FBN2: variants seen among roughly 807,000 people sequenced by gnomAD.
FBN2 encodes fibrillin 2.
A neutral mutation model predicts 355.6 loss-of-function variants in FBN2; 105 were observed. The ratio of observed to expected loss-of-function variants is 0.30; its 90% confidence interval spans 0.25 to 0.35. FBN2 has a LOEUF of 0.35. Among genes scored for constraint, FBN2 ranks in the 10% least tolerant of loss-of-function variants. The pLI, the probability that FBN2 is intolerant of heterozygous loss-of-function variation, is 1.00. For missense variants in FBN2, 3,280 were observed against 3,758.7 expected, an observed-to-expected ratio of 0.87 and a Z score of 3.33; for synonymous variants, 1,350 against 1,301.2, an observed-to-expected ratio of 1.04 and a Z score of -0.81.
intron 53 of FBN2, 63 bp downstream of exon 53, chr5:128,288,375 T>G: frequency 6.4e-7 from 1 of 1,559,874 alleles, no homozygotes; most frequent in Non-Finnish European, 8.8e-7. Context: ...AAATAAATAT[T>G]GAGACATTAA....
intron 4 of FBN2, among the ~76,000 whole-genome samples, chr5:128,519,894 GA>G (rs1289869495): frequency 6.6e-6 from 1 of 151,654 alleles, no homozygotes; most frequent in East Asian, 1.9e-4. Context: ...GCCAAGGGGG[GA>G]AAAGGTAAAG....
intron 5 of FBN2, among the ~76,000 whole-genome samples, chr5:128,517,928 T>C (rs183682842): frequency 6.6e-5 from 10 of 152,372 alleles, no homozygotes; most frequent in Admixed American, 6.5e-4. Context: ...TGAATGATTA[T>C]GTAATATTAA....
intron 6 of FBN2, among the ~76,000 whole-genome samples, chr5:128,454,720 C>G (rs1390954174): frequency 6.6e-6 from 1 of 152,162 alleles, no homozygotes; most frequent in East Asian, 1.9e-4. Context: ...GAACACACAC[C>G]AGCATTTGTT....
chr5:128,456,618 T>C (rs1355703407), intron 6 of FBN2, among the ~76,000 whole-genome samples: 1 of 152,062 alleles, frequency 6.6e-6, no homozygotes, highest in Non-Finnish European at 1.5e-5. Context: ...CTAGTCTCCT[T>C]GAGTGACATC....
At chr5:128,378,945 G>T in intron 11 of FBN2, 55 bp from the exon 12 acceptor site, 2 of 1,603,692 alleles carry the variant, frequency 1.2e-6, no homozygotes, top group Non-Finnish European at 1.7e-6. Context: ...AGAAATGTTT[G>T]TTTAAAGTAC....
At chr5:128,289,776 ATATAC>A (rs1340433956) in intron 51 of FBN2, 101 bp downstream of exon 51, 7 of 702,964 alleles carry the variant, frequency 1.0e-5, no homozygotes, top group Non-Finnish European at 1.8e-5. Context: ...ATTAAATACA[ATATAC>A]TATATGTTAC....
rs1401325502 is a variant in FBN2, at chr5:128,395,260, T to C, written c.1093A>G (p.Met365Val). The C allele has an allele frequency of 7.4e-6, 12 of 1,614,152 alleles. No individual in the cohort carries two copies. Among genetic ancestry groups the C allele is most frequent in the Non-Finnish European group, 1.0e-5 (12 of 1,180,020 alleles). The change falls in exon 9 of 65, where the codon ATG becomes GTG. Residue 365 changes from methionine (M) to valine (V), a missense_variant. Met to Val is a conservative substitution (Grantham distance 21). This residue lies in a region of FBN2 where 343 missense variants were observed against 331.0 expected (regional missense o/e 1.04). Transcript: ENST00000262464. ...CCATTCACCAGGCCCGAGAAACACA[T>C]GCCTGTTCTCTGATCTGTGCATGTA... ...GSRCIDQRTG[M>V]CFSGLVNGRC...
chr5:128,341,028 G>T (rs1267536971), intron 25 of FBN2, among the ~76,000 whole-genome samples: 1 of 152,136 alleles, frequency 6.6e-6, no homozygotes, highest in Non-Finnish European at 1.5e-5. Flanking sequence ...GGACTGGAGA[G>T]GCTGACAATG....
intron 55 of FBN2, among the ~76,000 whole-genome samples, chr5:128,285,423 T>G (rs552029939): frequency 1.3e-5 from 2 of 152,344 alleles, no homozygotes; most frequent in Admixed American, 1.3e-4. Context: ...GCTATCAGCA[T>G]GGTATAATGA....
At chr5:128,437,393 A>G (rs1372193141) in intron 7 of FBN2, among the ~76,000 whole-genome samples, 1 of 152,224 alleles carries the variant, frequency 6.6e-6, no homozygotes, top group African/African-American at 2.4e-5. Context: ...ACACAGCATT[A>G]AAACTCTTTT....
chr5:128,311,819 G>T, intron 38 of FBN2, 66 bp downstream of exon 38: 1 of 1,239,414 alleles, frequency 8.1e-7, no homozygotes, highest in Non-Finnish European at 1.2e-6. Context: ...TAGGTTTTCT[G>T]CCAGCTTTTC....
chr5:128,291,572 G>C lies in FBN2; in HGVS notation c.6249C>G (p.Cys2083Trp). Residue 2083 changes from cysteine (C) to tryptophan (W), a missense_variant, in exon 49 of 65, where the codon TGC (cysteine) becomes TGG (tryptophan). This residue lies in a region of FBN2 where 2,284 missense variants were observed against 2,749.5 expected (regional missense o/e 0.83). Coordinates refer to ENST00000262464, the MANE Select transcript of FBN2 (RefSeq NM_001999.4). ...TNTPGGFQCLCPPGFVLSDNG... is the reference protein window; with the variant it reads ...TNTPGGFQCLWPPGFVLSDNG... ...TATCAGATAGTACAAAGCCAGGGGG[G>C]CAGAGGCACTGGAAGCCCCCTGGAG... 2 of 1,613,832 alleles carry C rather than the reference G, an allele frequency of 1.2e-6. No homozygotes were observed. Among genetic ancestry groups the C allele is most frequent in the Non-Finnish European group, 1.7e-6 (2 of 1,179,746 alleles).
chr5:128,529,810 G>A (rs886298466), intron 3 of FBN2, among the ~76,000 whole-genome samples: 4 of 152,200 alleles, frequency 2.6e-5, no homozygotes, highest in Admixed American at 1.3e-4. Context: ...TTTAAAAGCT[G>A]AGGAAATGGC....
At chr5:128,380,651 A>C (rs993849418) in intron 11 of FBN2, among the ~76,000 whole-genome samples, 2 of 152,124 alleles carry the variant, frequency 1.3e-5, no homozygotes, top group African/African-American at 4.8e-5. Flanking sequence ...AAAAGCAATT[A>C]GTGACTTTAC....
chr5:128,310,189 A>T, intron 39 of FBN2, 81 bp from the exon 40 acceptor site: 1 of 1,227,092 alleles, frequency 8.1e-7, no homozygotes, highest in South Asian at 1.3e-5. Context: ...TGAACAAAGC[A>T]TAGGTGATTC....
intron 18 of FBN2, among the ~76,000 whole-genome samples, chr5:128,363,594 T>A (rs1751694069): frequency 2.6e-5 from 4 of 152,214 alleles, no homozygotes; most frequent in African/African-American, 9.6e-5. Flanking sequence ...AATGTGACTT[T>A]ATTTGGAAAT....
intron 8 of FBN2, among the ~76,000 whole-genome samples, chr5:128,403,169 C>T (rs1436535517): frequency 6.6e-6 from 1 of 151,986 alleles, no homozygotes; most frequent in Non-Finnish European, 1.5e-5. Context: ...TAATTCTGTA[C>T]CTTGCCCTTT....
At chr5:128,390,865 A>C (rs975675413) in intron 11 of FBN2, among the ~76,000 whole-genome samples, 1 of 152,242 alleles carries the variant, frequency 6.6e-6, no homozygotes, top group Admixed American at 6.5e-5. Context: ...CAAGCTTAAA[A>C]ATGACAGAAT....
chr5:128,489,801 G>C (rs1755450250), intron 5 of FBN2, among the ~76,000 whole-genome samples: 2 of 152,024 alleles, frequency 1.3e-5, no homozygotes, highest in Non-Finnish European at 2.9e-5. Context: ...GCAACATAAA[G>C]AAAAAGGATG....
Sources: gnomAD v4.1 joint callset for allele counts (sites outside exome capture counted in the v4.1 genomes callset) on GRCh38, gnomAD v4.1.1 for gene constraint, gnomAD v4.1.1 regional missense constraint, MANE v1.5 for transcripts, NCBI Gene and HGNC (gene_info 2026-07-23, HGNC 2026-07-21) for gene names.